The following NPAS3 variants were observed in gnomAD, a reference collection of about 807,000 sequenced individuals.
The protein encoded by NPAS3 is neuronal PAS domain protein 3, also known as neuronal PAS domain-containing protein 3.
NPAS3 carries 14 observed loss-of-function variants against 73.1 expected under a neutral mutation model. That is an observed-to-expected ratio of 0.19 (90% CI 0.13 to 0.30). The LOEUF (loss-of-function observed/expected upper bound fraction) is 0.30, where lower values mean the gene tolerates loss of function less well. NPAS3 is among the 10% of genes least tolerant of loss of function. The pLI, the probability that NPAS3 is intolerant of heterozygous loss-of-function variation, is 1.00. For synonymous variants in NPAS3, 620 were observed against 541.5 expected, an observed-to-expected ratio of 1.14 and a Z score of -2.01; for missense variants, 1,096 against 1,250.0, an observed-to-expected ratio of 0.88 and a Z score of 1.86.
intron 1 of NPAS3, among the ~76,000 whole-genome samples, chr14:32,989,926 C>T (rs1051589906): frequency 1.1e-4 from 17 of 152,106 alleles, no homozygotes; most frequent in African/African-American, 3.6e-4. Flanking sequence ...TTGGTGCCCC[C>T]ATTGAAAGCA....
intron 1 of NPAS3, among the ~76,000 whole-genome samples, chr14:32,954,308 G>T (rs765360375): frequency 6.6e-6 from 1 of 152,086 alleles, no homozygotes; most frequent in African/African-American, 2.4e-5. Flanking sequence ...TCTTTTGTAA[G>T]CATGCTCGCT....
chr14:32,986,871 C>T (rs549307544), intron 1 of NPAS3, among the ~76,000 whole-genome samples: 1 of 152,066 alleles, frequency 6.6e-6, no homozygotes, highest in African/African-American at 2.4e-5. Flanking sequence ...TGTTTTTCAC[C>T]TAGGCCAAAT....
intron 2 of NPAS3, among the ~76,000 whole-genome samples, chr14:33,099,050 A>G (rs1187854005): frequency 6.6e-6 from 1 of 152,118 alleles, no homozygotes. Context: ...TTTCCAAGTC[A>G]CACAAAGCCC....
chr14:33,697,806 T>G (rs551542345), intron 6 of NPAS3, among the ~76,000 whole-genome samples: 1 of 152,360 alleles, frequency 6.6e-6, no homozygotes, highest in African/African-American at 2.4e-5. Context: ...AGTGAGATTT[T>G]ATTAATAGAT....
chr14:33,591,607 T>C (rs568717625), intron 5 of NPAS3, among the ~76,000 whole-genome samples: 1 of 152,352 alleles, frequency 6.6e-6, no homozygotes, highest in African/African-American at 2.4e-5. Flanking sequence ...CTTACCAGCC[T>C]AATCTCAGTT....
chr14:33,644,788 A>C (rs1470325377), intron 5 of NPAS3, among the ~76,000 whole-genome samples: 1 of 152,188 alleles, frequency 6.6e-6, no homozygotes, highest in African/African-American at 2.4e-5. Flanking sequence ...ATGCTAATCA[A>C]GAATAAAGAT....
intron 2 of NPAS3, among the ~76,000 whole-genome samples, chr14:33,166,851 GAGGAAA>G (rs769030528): frequency 6.6e-6 from 1 of 152,172 alleles, no homozygotes; most frequent in Non-Finnish European, 1.5e-5. Flanking sequence ...TTGAGCTTAG[GAGGAAA>G]AGGTTAACTA....
intron 2 of NPAS3, among the ~76,000 whole-genome samples, chr14:33,183,747 G>T (rs2139457647): frequency 6.6e-6 from 1 of 152,156 alleles, no homozygotes; most frequent in South Asian, 2.1e-4. Flanking sequence ...ACCTGTCATT[G>T]CCTAAATATG....
intron 1 of NPAS3, among the ~76,000 whole-genome samples, chr14:33,036,065 G>A (rs1251155474): frequency 1.3e-5 from 2 of 152,136 alleles, no homozygotes; most frequent in African/African-American, 2.4e-5. Flanking sequence ...CCTGATGTTT[G>A]AGCTGAAAGA....
chr14:33,402,743 A>G (rs1268587098), intron 4 of NPAS3, among the ~76,000 whole-genome samples: 1 of 152,148 alleles, frequency 6.6e-6, no homozygotes, highest in East Asian at 1.9e-4. Flanking sequence ...GCTTTCCCTC[A>G]ATGGGAATTT....
intron 3 of NPAS3, among the ~76,000 whole-genome samples, chr14:33,300,971 G>A (rs1303801874): frequency 6.6e-6 from 1 of 152,140 alleles, no homozygotes; most frequent in Non-Finnish European, 1.5e-5. Context: ...CCTCTAGGCA[G>A]ACCAGAGATC....
chr14:33,579,498 T>C (rs2056577761), intron 5 of NPAS3, among the ~76,000 whole-genome samples: 1 of 152,166 alleles, frequency 6.6e-6, no homozygotes, highest in Admixed American at 6.5e-5. Flanking sequence ...TATATTATAA[T>C]GAAAGATGAT....
intron 4 of NPAS3, among the ~76,000 whole-genome samples, chr14:33,446,609 T>C (rs774521935): frequency 3.9e-5 from 6 of 152,236 alleles, no homozygotes; most frequent in Non-Finnish European, 7.3e-5. Context: ...CAGCAGAAAA[T>C]TCTTGAGATG....
intron 5 of NPAS3, among the ~76,000 whole-genome samples, chr14:33,564,417 G>A (rs1389443650): frequency 8.8e-6 from 1 of 113,468 alleles, no homozygotes; most frequent in East Asian, 2.7e-4. Context: ...TCACAGCAAG[G>A]CTGTCGTGAT....
At chr14:33,088,769 AC>A (rs1169542824) in intron 2 of NPAS3, among the ~76,000 whole-genome samples, 6 of 151,860 alleles carry the variant, frequency 4.0e-5, no homozygotes, top group Admixed American at 1.3e-4. Flanking sequence ...ACTGGGAGGA[AC>A]CCCCCAGTAG....
chr14:33,570,239 G>C (rs1437248645), intron 5 of NPAS3, among the ~76,000 whole-genome samples: 3 of 152,196 alleles, frequency 2.0e-5, no homozygotes, highest in Non-Finnish European at 2.9e-5. Flanking sequence ...ATCGCTCCTA[G>C]TAAGCACAGA....
intron 3 of NPAS3, among the ~76,000 whole-genome samples, chr14:33,343,634 A>T (rs927064526): frequency 3.3e-5 from 5 of 152,218 alleles, no homozygotes; most frequent in African/African-American, 1.2e-4. Context: ...AAAATGTTCC[A>T]GTAATTAGGG....
At chr14:33,490,904 C>A (rs1217988722) in intron 4 of NPAS3, among the ~76,000 whole-genome samples, 1 of 152,170 alleles carries the variant, frequency 6.6e-6, no homozygotes, top group African/African-American at 2.4e-5. Context: ...TCTGAGAGAC[C>A]AGTTAGAGCT....
intron 4 of NPAS3, among the ~76,000 whole-genome samples, chr14:33,460,720 C>T (rs557893086): frequency 7.9e-5 from 12 of 152,176 alleles, no homozygotes; most frequent in East Asian, 3.9e-4. Flanking sequence ...TTGTGGTTGT[C>T]GTCGTTTTGT....
Sources: allele counts gnomAD v4.1 joint callset (sites outside exome capture counted in the v4.1 genomes callset), GRCh38; gene constraint gnomAD v4.1.1; transcripts MANE v1.5; gene names NCBI Gene and HGNC (gene_info 2026-07-23, HGNC 2026-07-21).